GRIN2B: variants seen among roughly 807,000 people sequenced by gnomAD.
GRIN2B encodes glutamate receptor ionotropic, NMDA 2B.
GRIN2B carries 5 observed loss-of-function variants against 114.5 expected under a neutral mutation model. The ratio of observed to expected loss-of-function variants is 0.04; its 90% CI spans 0.02 to 0.09. The LOEUF (loss-of-function observed/expected upper bound fraction) is 0.09, where lower values mean the gene tolerates loss of function less well. Among genes scored for constraint, GRIN2B ranks in the 10% least tolerant of loss-of-function variants. The probability of loss-of-function intolerance (pLI) is 1.00; values close to 1 mark genes in which losing one functional copy is unlikely to be tolerated. For synonymous variants in GRIN2B, 787 were observed against 745.1 expected, an observed-to-expected ratio of 1.06 and a Z score of -0.92; for missense variants, 1,108 against 1,943.5, an observed-to-expected ratio of 0.57 and a Z score of 8.08.
intron 3 of GRIN2B, among the ~76,000 whole-genome samples, chr12:13,787,044 T>C (rs1864234729): frequency 1.3e-5 from 2 of 152,246 alleles, no homozygotes; most frequent in Non-Finnish European, 2.9e-5. Context: ...GTTCAGCTTC[T>C]ACCTCCCAAA....
chr12:13,594,252 T>C (rs1009722374), intron 10 of GRIN2B, among the ~76,000 whole-genome samples: 50 of 152,152 alleles, frequency 3.3e-4, no homozygotes, highest in African/African-American at 1.0e-3. Context: ...CTGTTCACAA[T>C]AGCAAAGACT....
At chr12:13,861,434 A>G (rs1158755851) in intron 3 of GRIN2B, among the ~76,000 whole-genome samples, 1 of 152,248 alleles carries the variant, frequency 6.6e-6, no homozygotes, top group Non-Finnish European at 1.5e-5. Flanking sequence ...TTGGATTCAG[A>G]TGGGCATCTT....
chr12:13,803,735 A>C (rs1340389007), intron 3 of GRIN2B, among the ~76,000 whole-genome samples: 1 of 152,306 alleles, frequency 6.6e-6, no homozygotes, highest in Middle Eastern at 3.4e-3. Flanking sequence ...AAAATACCCT[A>C]AACCCTATGG....
At chr12:13,906,069 CA>C (rs904385957) in intron 2 of GRIN2B, among the ~76,000 whole-genome samples, 41 of 152,204 alleles carry the variant, frequency 2.7e-4, no homozygotes, top group African/African-American at 9.4e-4. Flanking sequence ...ACAGAGCTCC[CA>C]ATACTTTTCT....
chr12:13,695,563 T>C (rs527985036), intron 4 of GRIN2B, among the ~76,000 whole-genome samples: 1 of 151,852 alleles, frequency 6.6e-6, no homozygotes, highest in Admixed American at 6.6e-5. Context: ...ATGGGAATGA[T>C]GAAGGTATAG....
At chr12:13,853,958 A>G (rs1290311425) in intron 3 of GRIN2B, among the ~76,000 whole-genome samples, 1 of 152,246 alleles carries the variant, frequency 6.6e-6, no homozygotes, top group Non-Finnish European at 1.5e-5. Flanking sequence ...TTGCCCTTGC[A>G]AAGTCTGTAG....
chr12:13,932,989 G>GCA (rs1867064875), intron 2 of GRIN2B, among the ~76,000 whole-genome samples: 5 of 150,310 alleles, frequency 3.3e-5, no homozygotes, highest in East Asian at 2.0e-4. Flanking sequence ...GTGTGTGTGC[G>GCA]TGTGCGTGTG....
chr12:13,702,168 C>G (rs1192090859), intron 4 of GRIN2B, among the ~76,000 whole-genome samples: 2 of 152,176 alleles, frequency 1.3e-5, no homozygotes, highest in African/African-American at 4.8e-5. Context: ...TCCCATAGGA[C>G]CTTAGCTTGA....
chr12:13,629,192 C>T (rs894623100), intron 5 of GRIN2B, among the ~76,000 whole-genome samples: 7 of 152,110 alleles, frequency 4.6e-5, no homozygotes, highest in African/African-American at 1.4e-4. Flanking sequence ...TGCCCAGGGT[C>T]GACCACTCTT....
At chr12:13,931,117 T>A (rs565496355) in intron 2 of GRIN2B, among the ~76,000 whole-genome samples, 33 of 152,274 alleles carry the variant, frequency 2.2e-4, no homozygotes, top group African/African-American at 6.5e-4. Context: ...TAGAGGTGGT[T>A]TGAACAGAAA....
At chr12:13,755,384 C>T (rs1340589334) in intron 3 of GRIN2B, among the ~76,000 whole-genome samples, 2 of 152,166 alleles carry the variant, frequency 1.3e-5, no homozygotes, top group East Asian at 3.9e-4. Flanking sequence ...GTTCTCACAG[C>T]TTGAACTTTT....
chr12:13,600,515 G>C (rs1287065226), intron 10 of GRIN2B, among the ~76,000 whole-genome samples: 1 of 152,078 alleles, frequency 6.6e-6, no homozygotes, highest in Non-Finnish European at 1.5e-5. Flanking sequence ...GTGTGTGTGT[G>C]TGTACATTTC....
Position 13,795,385 on chromosome 12 carries a change from A to T in GRIN2B, c.412-41470T>A, listed in dbSNP as rs566728677. Among the ~76,000 whole-genome samples the T allele has an allele frequency of 7.2e-5, 11 of 151,956 alleles. 1 individual carries two copies. The highest frequency in any genetic ancestry group is 3.4e-3 in the Middle Eastern group (1 of 294). On this transcript the variant is annotated intron_variant, in intron 3 of 13. Coordinates refer to ENST00000609686, the MANE Select transcript of GRIN2B (RefSeq NM_000834.5). Reference sequence around the variant, plus strand: ...GGTTGATGCAGTGGCGAAAAAAAAAAACGTTTTACAATTGGAAGAACTGAA... The same window carrying T: ...GGTTGATGCAGTGGCGAAAAAAAAATACGTTTTACAATTGGAAGAACTGAA...
chr12:13,646,926 G>C (rs35354725), intron 5 of GRIN2B, among the ~76,000 whole-genome samples: 11,443 of 152,116 alleles, frequency 0.075, 459 homozygotes, highest in Non-Finnish European at 0.089. Context: ...GGGTCGCATG[G>C]CCAGGAGCTG....
intron 4 of GRIN2B, among the ~76,000 whole-genome samples, chr12:13,702,407 T>C (rs1950321146): frequency 6.6e-6 from 1 of 152,146 alleles, no homozygotes; most frequent in Non-Finnish European, 1.5e-5. Context: ...TGCTCAGAGA[T>C]TGATTGGTTT....
intron 2 of GRIN2B, among the ~76,000 whole-genome samples, chr12:13,979,261 G>C (rs908160773): frequency 6.6e-6 from 1 of 152,144 alleles, no homozygotes; most frequent in Non-Finnish European, 1.5e-5. Context: ...TAAGATTTAA[G>C]TCGTTTAACC....
At chr12:13,788,291 T>A (rs985950792) in intron 3 of GRIN2B, among the ~76,000 whole-genome samples, 2 of 152,186 alleles carry the variant, frequency 1.3e-5, no homozygotes, top group Non-Finnish European at 2.9e-5. Context: ...GAAGGGCCAC[T>A]ATAGGGAACA....
In GRIN2B at chr12:13,579,618, C is replaced by T. The variant is rs148989087; in HGVS notation, c.2011-7654G>A. On this transcript the variant is annotated intron_variant, in intron 10 of 13. Coordinates refer to ENST00000609686, the MANE Select transcript of GRIN2B (RefSeq NM_000834.5). ...TCTTCATCATCGCCATTGGAAGCAA[C>T]TGAAGAACTCTGCCAGAATGACAAG... Among the ~76,000 whole-genome samples the T allele has an allele frequency of 1.7e-3, 259 of 152,290 alleles. 3 individuals are homozygous for T. Among genetic ancestry groups the T allele is most frequent in the South Asian group, 2.9e-3 (14 of 4,824 alleles).
At chr12:13,773,765 A>T (rs1202661907) in intron 3 of GRIN2B, among the ~76,000 whole-genome samples, 1 of 152,180 alleles carries the variant, frequency 6.6e-6, no homozygotes, top group African/African-American at 2.4e-5. Flanking sequence ...ATGGTGGAAC[A>T]TTCCATGAGA....
Sources: gnomAD v4.1 joint callset for allele counts (sites outside exome capture counted in the v4.1 genomes callset) on GRCh38, gnomAD v4.1.1 for gene constraint, MANE v1.5 for transcripts, NCBI Gene and HGNC (gene_info 2026-07-23, HGNC 2026-07-21) for gene names.